Variants in ABCC2 observed in about 807,000 individuals in gnomAD.
The protein encoded by ABCC2 is ATP binding cassette subfamily C member 2, also known as ATP-binding cassette sub-family C member 2.
ABCC2 carries 157 observed loss-of-function variants against 173.4 expected under a neutral mutation model. The observed-to-expected ratio is 0.91, with a 90% CI of 0.80 to 1.03. The LOEUF is 1.03. Among genes scored for constraint, ABCC2 ranks in the 50% least tolerant of loss-of-function variants. The pLI, the probability that ABCC2 is intolerant of heterozygous loss-of-function variation, is 0.00. For missense variants in ABCC2, 1,822 were observed against 1,852.3 expected (o/e 0.98, Z 0.30); for synonymous variants, 657 against 693.5 (o/e 0.95, Z 0.83).
chr10:99,841,400 A>G (rs1316031770), intron 25 of ABCC2, among the ~76,000 whole-genome samples: 2 of 152,060 alleles, frequency 1.3e-5, no homozygotes, highest in African/African-American at 4.8e-5. Context: ...AAAAAATACA[A>G]AAAAATTAGC....
intron 13 of ABCC2, among the ~76,000 whole-genome samples, chr10:99,809,617 A>C (rs1001422624): frequency 2.0e-5 from 3 of 152,246 alleles, no homozygotes; most frequent in African/African-American, 7.2e-5. Context: ...AATCTTCTCA[A>C]GTTCTCAAGT....
In ABCC2 at chr10:99,819,248, G is replaced by T; in HGVS notation, c.2599G>T (p.Gly867Cys). 6.2e-7 allele frequency: 1 copy of T among 1,613,856 alleles called. No homozygotes were observed. The highest frequency in any genetic ancestry group is 1.3e-5 in the African/African-American group (1 of 75,034). The stretch of plus-strand genomic sequence containing the variant: ...TCTGAAGACATTTCTAAGACATACA[G>T]GCCCTGAAGAGGAAGCCACAGGTAT... Reference protein sequence around the residue: ...KNLKTFLRHTGPEEEATVHDG... With the variant: ...KNLKTFLRHTCPEEEATVHDG... The change falls in exon 19 of 32, where the codon GGC (glycine) becomes TGC (cysteine). Residue 867 changes from glycine (G) to cysteine (C), a missense_variant. Physicochemically the swap from Gly to Cys is radical, Grantham distance 159 (BLOSUM62 -3). Transcript: ENST00000647814.
intron 1 of ABCC2, among the ~76,000 whole-genome samples, chr10:99,783,243 G>A (rs919167647): frequency 6.6e-6 from 1 of 152,234 alleles, no homozygotes; most frequent in Non-Finnish European, 1.5e-5. Flanking sequence ...GAGTCTTGCT[G>A]AGACATGTTG....
chr10:99,814,630 T>TGTGTATATACACGTATACACAC (rs1564685673), intron 16 of ABCC2, among the ~76,000 whole-genome samples: 1 of 94,552 alleles, frequency 1.1e-5, no homozygotes, highest in Non-Finnish European at 2.2e-5. Context: ...TATACACACA[T>TGTGTATATACACGTATACACAC]ATGTGTATAT....
intron 6 of ABCC2, among the ~76,000 whole-genome samples, chr10:99,795,326 A>C (rs549216985): frequency 5.3e-5 from 8 of 152,354 alleles, no homozygotes; most frequent in African/African-American, 1.7e-4. Context: ...TAATGCATTA[A>C]ATAACAAGAT....
intron 19 of ABCC2, among the ~76,000 whole-genome samples, chr10:99,826,419 A>T (rs1386041348): frequency 2.7e-5 from 4 of 150,542 alleles, no homozygotes; most frequent in Admixed American, 2.0e-4. Flanking sequence ...TTCATTGGCA[A>T]TTGACTTTTG....
At chr10:99,794,552 T>C in intron 6 of ABCC2, 84 bp downstream of exon 6, 1 of 1,046,904 alleles carries the variant, frequency 9.6e-7, no homozygotes, top group Non-Finnish European at 1.4e-6. Context: ...TATTTTATTA[T>C]TTTTTTTTTG....
At chr10:99,834,663 T>G in intron 24 of ABCC2, 128 bp downstream of exon 24, 1 of 1,191,860 alleles carries the variant, frequency 8.4e-7, no homozygotes, top group East Asian at 2.3e-5. Context: ...CTTTGCCATT[T>G]AGTCATATGT....
chr10:99,814,576 T>C (rs1202177575), intron 16 of ABCC2, among the ~76,000 whole-genome samples: 1 of 108,584 alleles, frequency 9.2e-6, no homozygotes, highest in Non-Finnish European at 2.0e-5. Flanking sequence ...TACACACACA[T>C]ATGTGTATAT....
At chr10:99,808,368 A>ATGGTTTGAT in intron 13 of ABCC2, 139 bp downstream of exon 13, 1 of 1,181,668 alleles carries the variant, frequency 8.5e-7, no homozygotes, top group Non-Finnish European at 1.2e-6. Context: ...CTGGAGACCA[A>ATGGTTTGAT]TGGTTTGACC....
At chr10:99,818,642 A>T (rs1487603274) in intron 17 of ABCC2, 148 bp from the exon 18 acceptor site, 2 of 725,124 alleles carry the variant, frequency 2.8e-6, no homozygotes, top group Non-Finnish European at 4.6e-6. Flanking sequence ...TATTTGAATC[A>T]GTTCTTTATT....
At chr10:99,843,274 A>G (rs2038972478) in intron 26 of ABCC2, among the ~76,000 whole-genome samples, 1 of 152,180 alleles carries the variant, frequency 6.6e-6, no homozygotes, top group African/African-American at 2.4e-5. Flanking sequence ...ATATGCTTCA[A>G]TCTACACAAA....
intron 15 of ABCC2, among the ~76,000 whole-genome samples, chr10:99,812,399 A>T (rs1034853195): frequency 1.3e-5 from 2 of 152,326 alleles, no homozygotes; most frequent in South Asian, 4.1e-4. Flanking sequence ...TAATGTTCCT[A>T]ATGTTCTAGA....
chr10:99,845,966 T>C (rs1054550099), intron 29 of ABCC2, among the ~76,000 whole-genome samples, 184 bp downstream of exon 29: 3 of 152,190 alleles, frequency 2.0e-5, no homozygotes, highest in African/African-American at 7.2e-5. Context: ...TTTGGTAATA[T>C]GCATTTGTGG....
rs1037215246 is a variant in ABCC2, at chr10:99,819,019, T to C, written c.2439+62T>C. On this transcript the variant is annotated intron_variant, in intron 18 of 31. Coordinates refer to ENST00000647814, the MANE Select transcript of ABCC2 (RefSeq NM_000392.5). ...GGGGTGGGAGGGAGAGGGGAGGACA[T>C]GTCTGGCAAGTAAGACAGGGAAGAT... is the stretch of plus-strand genomic sequence containing the variant. 16 of 1,611,058 alleles carry C rather than the reference T, an allele frequency of 9.9e-6. No individual in the cohort carries two copies. In the African/African-American group the frequency reaches 2.0e-4, roughly 20 times the overall value.
intron 19 of ABCC2, 36 bp downstream of exon 19, chr10:99,819,305 G>C: frequency 6.3e-7 from 1 of 1,590,448 alleles, no homozygotes; most frequent in Non-Finnish European, 8.6e-7. Flanking sequence ...TAGAACTTGG[G>C]CCATGGGTGG....
chr10:99,811,144 G>A (rs1217565165), intron 14 of ABCC2, among the ~76,000 whole-genome samples: 3 of 151,560 alleles, frequency 2.0e-5, no homozygotes, highest in South Asian at 4.2e-4. Context: ...TAGCCTGGGT[G>A]ACATGGTGAA....
At chr10:99,843,703 T>A in intron 26 of ABCC2, 96 bp from the exon 27 acceptor site, 1 of 980,880 alleles carries the variant, frequency 1.0e-6, no homozygotes, top group Admixed American at 1.7e-5. Context: ...AGCACAGTGC[T>A]GGGTACAAAG....
intron 27 of ABCC2, 108 bp from the exon 28 acceptor site, chr10:99,844,214 G>C: frequency 7.3e-7 from 1 of 1,370,274 alleles, no homozygotes; most frequent in East Asian, 2.3e-5. Context: ...CCATTAGGTA[G>C]CTGGGACACT....
Sources: allele counts gnomAD v4.1 joint callset (sites outside exome capture counted in the v4.1 genomes callset), GRCh38; gene constraint gnomAD v4.1.1; transcripts MANE v1.5; gene names NCBI Gene and HGNC (gene_info 2026-07-23, HGNC 2026-07-21).